The following PCNX1 variants were observed in gnomAD, a reference collection of about 807,000 sequenced individuals.
The protein encoded by PCNX1 is pecanex 1, also known as pecanex-like protein 1.
A neutral mutation model predicts 242.2 loss-of-function variants in PCNX1; 78 were observed. The ratio of observed to expected loss-of-function variants is 0.32; its 90% CI spans 0.27 to 0.39. The LOEUF (loss-of-function observed/expected upper bound fraction) is 0.39, where lower values mean the gene tolerates loss of function less well. PCNX1 is among the 10% of genes least tolerant of loss of function. The pLI, the probability that PCNX1 is intolerant of heterozygous loss-of-function variation, is 1.00. For missense variants in PCNX1, 2,581 were observed against 2,856.5 expected, an observed-to-expected ratio of 0.90 and a Z score of 2.20; for synonymous variants, 1,024 against 1,032.9, an observed-to-expected ratio of 0.99 and a Z score of 0.17.
chr14:70,944,851 C>T (rs1384466082), intron 1 of PCNX1, among the ~76,000 whole-genome samples: 1 of 152,162 alleles, frequency 6.6e-6, no homozygotes, highest in African/African-American at 2.4e-5. Context: ...AAGGGGCTTC[C>T]CCGTTCGCTT....
chr14:70,954,792 T>C (rs1487079253), intron 2 of PCNX1, among the ~76,000 whole-genome samples: 1 of 152,222 alleles, frequency 6.6e-6, no homozygotes, highest in Non-Finnish European at 1.5e-5. Context: ...ATGGTTAAAT[T>C]GAAGTATTAT....
At position 71,049,041 on chromosome 14, in the gene PCNX1, G is replaced by T. The variant is rs370903125; in HGVS notation, c.4338+1057G>T. On this transcript the variant is annotated intron_variant, in intron 22 of 35. Coordinates refer to ENST00000304743, the MANE Select transcript of PCNX1 (RefSeq NM_014982.3). ...AAGCCAGAAAATTAATCAGAGAATT[G>T]TATAAAGAAGCATGTGGTTTCCCAC... 760 of 952,478 alleles carry T rather than the reference G, an allele frequency of 8.0e-4. 2 individuals carry two copies. The African/African-American group carries it at 0.013, about 16-fold the overall frequency. 59.0% of individuals were successfully genotyped at this position (952,478 alleles called of 1,614,324 possible).
In PCNX1 at chr14:71,113,006, T is replaced by C. The variant is rs1482638313; in HGVS notation, c.*3071T>C. On this transcript the variant is annotated 3_prime_UTR_variant, in exon 36 of 36. Coordinates refer to ENST00000304743, the MANE Select transcript of PCNX1 (RefSeq NM_014982.3). Reference sequence around the variant, plus strand: ...CCAACTTATACCTTGGTGTGAACTCTCTTTTTACACCATTTTCAACACTGG... The same window carrying C: ...CCAACTTATACCTTGGTGTGAACTCCCTTTTTACACCATTTTCAACACTGG... The C allele has an allele frequency of 2.6e-5, 4 of 152,222 alleles. No individual in the cohort carries two copies. Among genetic ancestry groups the C allele is most frequent in the African/African-American group, 9.6e-5 (4 of 41,458 alleles). The allele number at this position is 152,222 out of a possible 1,614,324, so 9.4% of individuals were successfully genotyped here. A position where few individuals can be genotyped will look rare whatever the true frequency, so the allele number is the denominator to read the frequency against.
intron 7 of PCNX1, 27 bp downstream of exon 7, chr14:70,988,726 T>G: frequency 1.2e-6 from 2 of 1,603,348 alleles, no homozygotes; most frequent in Non-Finnish European, 1.7e-6. Flanking sequence ...TCCACCAAGT[T>G]TAGCATGCAT....
chr14:71,063,588 C>T (rs891502846), intron 26 of PCNX1, among the ~76,000 whole-genome samples: 1 of 152,106 alleles, frequency 6.6e-6, no homozygotes, highest in Non-Finnish European at 1.5e-5. Flanking sequence ...ACTTCCTTTT[C>T]TTTATAGTGT....
At chr14:71,105,598 A>G (rs1331189732) in intron 33 of PCNX1, among the ~76,000 whole-genome samples, 158 bp downstream of exon 33, 1 of 150,582 alleles carries the variant, frequency 6.6e-6, no homozygotes, top group Non-Finnish European at 1.5e-5. Flanking sequence ...GCTGGAGTGC[A>G]GTGTCACAGT....
rs1343179730 is a variant in PCNX1 at position 70,977,586 on chromosome 14, C to T, written c.1249C>T (p.His417Tyr). The change falls in exon 6 of 36, where the codon CAT becomes TAT. Residue 417 changes from histidine (H) to tyrosine (Y), a missense_variant. His to Tyr is a moderately conservative substitution (Grantham distance 83). Transcript: ENST00000304743. ...STHIESILSEHEESPKAGTKS... is the reference protein window; with the variant it reads ...STHIESILSEYEESPKAGTKS... ...TCACATAGAGAGCATCCTGTCAGAG[C>T]ATGAGGAGTCTCCTAAAGCAGGAAC... 1 of 1,614,120 alleles carries T rather than the reference C, an allele frequency of 6.2e-7. No individual in the cohort carries two copies. The highest frequency in any genetic ancestry group is 1.3e-5 in the African/African-American group (1 of 75,002).
chr14:71,006,193 G>A (rs576568217), intron 8 of PCNX1, among the ~76,000 whole-genome samples: 1 of 149,412 alleles, frequency 6.7e-6, no homozygotes, highest in South Asian at 2.1e-4. Context: ...TCACTATGTT[G>A]CCTGGGCTTG....
intron 2 of PCNX1, among the ~76,000 whole-genome samples, chr14:70,956,827 T>C (rs1485483938): frequency 6.6e-6 from 1 of 152,144 alleles, no homozygotes; most frequent in Non-Finnish European, 1.5e-5. Context: ...AGGCAAGTTT[T>C]TTTGCCTTTT....
At chr14:70,956,317 A>T (rs892763377) in intron 2 of PCNX1, among the ~76,000 whole-genome samples, 1 of 152,046 alleles carries the variant, frequency 6.6e-6, no homozygotes, top group African/African-American at 2.4e-5. Context: ...CCAAGGTGGG[A>T]GGATCCCTTG....
At position 71,110,799 on chromosome 14, in the gene PCNX1, A is replaced by G. The variant is rs547268959; in HGVS notation, c.*864A>G. On this transcript the variant is annotated 3_prime_UTR_variant, in exon 36 of 36. Coordinates refer to ENST00000304743, the MANE Select transcript of PCNX1 (RefSeq NM_014982.3). ...CACCACTGCCAGCTCCTGTGTCTAC[A>G]TCTCAGAGGAGCCCATGTGCTCTGC... 6.5e-6 allele frequency: 1 copy of G among 152,820 alleles called. No homozygotes were observed. Among genetic ancestry groups the G allele is most frequent in the Admixed American group, 6.5e-5 (1 of 15,304 alleles). 9.5% of individuals were successfully genotyped at this position (152,820 alleles called of 1,614,324 possible). A position where few individuals can be genotyped will look rare whatever the true frequency, so the allele number is the denominator to read the frequency against.
At chr14:71,026,416 G>C (rs1291570706) in intron 14 of PCNX1, 128 bp downstream of exon 14, 2 of 549,340 alleles carry the variant, frequency 3.6e-6, no homozygotes, top group African/African-American at 3.9e-5. Flanking sequence ...TATGTGCTCT[G>C]AGGAACAAAG....
chr14:70,915,436 C>T (rs1335348791), intron 1 of PCNX1, among the ~76,000 whole-genome samples: 1 of 152,140 alleles, frequency 6.6e-6, no homozygotes, highest in Non-Finnish European at 1.5e-5. Flanking sequence ...GTCTGTAGAA[C>T]ATTTTAGTAA....
At chr14:71,091,379 T>A (rs1400474353) in intron 30 of PCNX1, among the ~76,000 whole-genome samples, 1 of 152,204 alleles carries the variant, frequency 6.6e-6, no homozygotes, top group African/African-American at 2.4e-5. Flanking sequence ...TGCATCTACC[T>A]TACAACCCAA....
At chr14:71,015,624 T>C (rs1208351357) in intron 11 of PCNX1, among the ~76,000 whole-genome samples, 1 of 152,186 alleles carries the variant, frequency 6.6e-6, no homozygotes, top group Non-Finnish European at 1.5e-5. Context: ...AGTGAGACTC[T>C]GTCTCTACAA....
intron 2 of PCNX1, among the ~76,000 whole-genome samples, chr14:70,956,089 G>GA (rs552740373): frequency 4.3e-4 from 66 of 152,226 alleles, no homozygotes; most frequent in African/African-American, 1.5e-3. Context: ...AAAGGCCAGA[G>GA]ATGCTGCTAG....
chr14:71,040,799 C>A (rs553811679), intron 19 of PCNX1, among the ~76,000 whole-genome samples: 37 of 151,902 alleles, frequency 2.4e-4, no homozygotes, highest in African/African-American at 8.9e-4. Flanking sequence ...CTTTTTGTAC[C>A]CATTAACCAT....
intron 26 of PCNX1, 74 bp from the exon 27 acceptor site, chr14:71,073,471 C>T: frequency 2.9e-6 from 4 of 1,364,588 alleles, no homozygotes; most frequent in Middle Eastern, 1.9e-4. Flanking sequence ...TTTTCTAAAT[C>T]TTATGTGTCC....
intron 1 of PCNX1, among the ~76,000 whole-genome samples, chr14:70,909,515 G>A (rs1432632946): frequency 5.3e-5 from 8 of 152,260 alleles, no homozygotes; most frequent in African/African-American, 1.9e-4. Context: ...TTTCTTCTAT[G>A]TCCAGAAGAA....
Sources: gnomAD v4.1 joint callset for allele counts (sites outside exome capture counted in the v4.1 genomes callset) on GRCh38, gnomAD v4.1.1 for gene constraint, MANE v1.5 for transcripts, NCBI Gene and HGNC (gene_info 2026-07-23, HGNC 2026-07-21) for gene names.